Variants in DNMBP observed in about 807,000 individuals in gnomAD.
The protein encoded by DNMBP is dynamin binding protein.
Under a neutral mutation model 150.0 loss-of-function variants are expected in DNMBP, and 87 were observed. The observed-to-expected ratio is 0.58, with a 90% CI of 0.49 to 0.69. The LOEUF is 0.69. DNMBP is among the 30% of genes least tolerant of loss of function. The pLI is 0.00. For missense variants in DNMBP, 1,774 were observed against 1,949.0 expected (o/e 0.91, Z 1.69); for synonymous variants, 711 against 750.4 (o/e 0.95, Z 0.86).
chr10:99,922,527 T>TAAAAA (rs71009788), intron 4 of DNMBP, among the ~76,000 whole-genome samples: 1 of 78,966 alleles, frequency 1.3e-5, no homozygotes, highest in East Asian at 4.2e-4. Flanking sequence ...TTTTTTTTCT[T>TAAAAA]AAAAAAAAAA....
chr10:99,965,707 G>A (rs898715335), intron 3 of DNMBP, among the ~76,000 whole-genome samples: 2 of 152,074 alleles, frequency 1.3e-5, no homozygotes, highest in Non-Finnish European at 2.9e-5. Flanking sequence ...ATGTTGGCCA[G>A]GCTGGTCTCG....
intron 1 of DNMBP, among the ~76,000 whole-genome samples, chr10:100,007,282 T>C (rs1027632079): frequency 2.4e-4 from 37 of 152,370 alleles, no homozygotes; most frequent in African/African-American, 8.2e-4. Context: ...CATATTTGTC[T>C]GTTTCCACCC....
intron 1 of DNMBP, among the ~76,000 whole-genome samples, chr10:99,986,492 A>G (rs1216152068): frequency 6.6e-6 from 1 of 151,802 alleles, no homozygotes; most frequent in African/African-American, 2.4e-5. Context: ...ATTTTGAAAA[A>G]GAGAAAAGAA....
chr10:99,884,086 C>T lies in DNMBP; in HGVS notation c.3922G>A (p.Glu1308Lys), dbSNP rs1251320379. 6.8e-6 allele frequency: 11 copies of T among 1,614,126 alleles called. No homozygotes were observed. In the South Asian group the frequency reaches 1.2e-4, roughly 18 times the overall value. ...AAQDLDVSLL[E>K]GDLVGVIKKK... ...TTAATCACACCCACCAGGTCACCTTCCAAAAGTGAGACATCCAAGTCTTGA... is the reference window on the plus strand; with the variant it reads ...TTAATCACACCCACCAGGTCACCTTTCAAAAGTGAGACATCCAAGTCTTGA... Residue 1308 changes from glutamate to lysine, a missense_variant, in exon 15 of 17, where the codon GAA (glutamate) becomes AAA (lysine). Coordinates refer to ENST00000324109, the MANE Select transcript of DNMBP (RefSeq NM_015221.4).
At chr10:99,884,355 AGCCAGCCCATGTG>A in intron 14 of DNMBP, 146 bp from the exon 15 acceptor site, 1 of 718,124 alleles carries the variant, frequency 1.4e-6, no homozygotes, top group Non-Finnish European at 2.2e-6. Flanking sequence ...TTTGTGATGA[AGCCAGCCCATGTG>A]GCTAGGTAAA....
At chr10:99,962,555 T>C (rs1386946587) in intron 3 of DNMBP, among the ~76,000 whole-genome samples, 1 of 151,724 alleles carries the variant, frequency 6.6e-6, no homozygotes, top group African/African-American at 2.4e-5. Flanking sequence ...GGTGTGAACC[T>C]GGGAGGCGGA....
At chr10:99,882,277 A>G (rs1047590704) in intron 15 of DNMBP, among the ~76,000 whole-genome samples, 1 of 152,190 alleles carries the variant, frequency 6.6e-6, no homozygotes, top group Non-Finnish European at 1.5e-5. Context: ...TAGGAGAAAT[A>G]AGCTCTGGTG....
chr10:99,989,699 G>A (rs1039551041), intron 1 of DNMBP, among the ~76,000 whole-genome samples: 2 of 152,000 alleles, frequency 1.3e-5, no homozygotes, highest in African/African-American at 4.8e-5. Flanking sequence ...CAACAAGAGC[G>A]AAACTCTGTC....
intron 4 of DNMBP, among the ~76,000 whole-genome samples, chr10:99,923,785 C>T (rs973697848): frequency 2.0e-5 from 3 of 152,140 alleles, no homozygotes; most frequent in African/African-American, 7.2e-5. Flanking sequence ...TCTGCCTATC[C>T]CAACTCCATT....
intron 4 of DNMBP, among the ~76,000 whole-genome samples, chr10:99,915,253 G>T (rs2039953063): frequency 6.7e-6 from 1 of 149,414 alleles, no homozygotes; most frequent in Non-Finnish European, 1.5e-5. Flanking sequence ...ATAAAATTAT[G>T]TAAGTGTAGA....
At position 99,930,879 on chromosome 10, in the gene DNMBP, A is replaced by T. The variant is rs925937075; in HGVS notation, c.2261-21733T>A. ...TTTGTCCTGCTTAAAATGTCTCCCA[A>T]CCATTCCAGACACTCTTCTCGTTGC... On this transcript the variant is annotated intron_variant, in intron 4 of 16. Transcript: ENST00000324109. 7.7e-5 allele frequency: 44 copies of T among 573,814 alleles called. No individual in the cohort carries two copies. In the African/African-American group the frequency reaches 8.1e-4, roughly 11 times the overall value. 35.5% of individuals were successfully genotyped at this position (573,814 alleles called of 1,614,324 possible). A position where few individuals can be genotyped will look rare whatever the true frequency, so the allele number is the denominator to read the frequency against.
chr10:99,900,445 T>G (rs2039722573), intron 6 of DNMBP, among the ~76,000 whole-genome samples: 1 of 151,810 alleles, frequency 6.6e-6, no homozygotes, highest in Non-Finnish European at 1.5e-5. Flanking sequence ...TTTGTATTTT[T>G]GGTAGAGAGG....
chr10:99,895,106 T>C (rs976787970), intron 10 of DNMBP, 56 bp from the exon 11 acceptor site: 2 of 838,982 alleles, frequency 2.4e-6, no homozygotes, highest in Admixed American at 5.5e-5. Context: ...TTAATCTTAC[T>C]GGCAAAAGTA....
At chr10:100,007,604 G>T (rs1231527470) in intron 1 of DNMBP, among the ~76,000 whole-genome samples, 2 of 152,110 alleles carry the variant, frequency 1.3e-5, no homozygotes, top group African/African-American at 2.4e-5. Context: ...ACGTCCTTCA[G>T]TCAGAAGAAA....
Position 99,886,510 on chromosome 10 carries a change from T to C in DNMBP, c.3408A>G (p.Glu1136=). The C allele has an allele frequency of 6.2e-7, 1 of 1,614,170 alleles. No individual in the cohort carries two copies. The highest frequency in any genetic ancestry group is 8.5e-7 in the Non-Finnish European group (1 of 1,180,024). The change falls in exon 13 of 17, where the codon GAA becomes GAG. Residue 1136 remains glutamate (E), a synonymous_variant. Coordinates refer to ENST00000324109, the MANE Select transcript of DNMBP (RefSeq NM_015221.4). ...TCTTGTCCTTTAGCTTTTCTGCCCG[T>C]TCTGTACAGTTATAGAAGTCCAGGA... ...DKLLDFYNCT[E]RAEKLKDKKT...
chr10:99,880,042 G>A lies in DNMBP; in HGVS notation c.4317C>T (p.Asp1439=). ...SSPSRCPSDP[D]STSQPRSGDS... ...CCCCTGACCTTGGCTGGGAGGTGGAGTCTGGGTCTGAAGGGCATCTGGAAG... is the reference window on the plus strand; with the variant it reads ...CCCCTGACCTTGGCTGGGAGGTGGAATCTGGGTCTGAAGGGCATCTGGAAG... Residue 1439 remains aspartate (D), a synonymous_variant, in exon 16 of 17, where the codon GAC becomes GAT. Transcript: ENST00000324109. The A allele has an allele frequency of 6.2e-7, 1 of 1,614,198 alleles. No individual in the cohort carries two copies. Among genetic ancestry groups the A allele is most frequent in the African/African-American group, 1.3e-5 (1 of 75,052 alleles).
chr10:99,904,132 G>A (rs2039787338), intron 6 of DNMBP, among the ~76,000 whole-genome samples: 1 of 152,068 alleles, frequency 6.6e-6, no homozygotes, highest in Admixed American at 6.6e-5. Context: ...GTACGCATCT[G>A]TAGTCCCAGC....
At chr10:99,889,231 AC>A (rs1287512080) in intron 11 of DNMBP, 1 of 252,144 alleles carries the variant, frequency 4.0e-6, no homozygotes, top group African/African-American at 2.3e-5. Context: ...TTCTTAATTT[AC>A]CAAAAAGCAA....
At chr10:99,943,057 G>T (rs368111767) in intron 4 of DNMBP, among the ~76,000 whole-genome samples, 78 of 152,252 alleles carry the variant, frequency 5.1e-4, no homozygotes, top group Middle Eastern at 3.4e-3. Context: ...CTGAGGGGGG[G>T]GCGGATCACC....
Sources: allele counts gnomAD v4.1 joint callset (sites outside exome capture counted in the v4.1 genomes callset), GRCh38; gene constraint gnomAD v4.1.1; transcripts MANE v1.5; gene names NCBI Gene and HGNC (gene_info 2026-07-23, HGNC 2026-07-21).